Variants in AOAH observed in about 807,000 individuals in gnomAD.
AOAH encodes acyloxyacyl hydrolase (neutrophil).
A neutral mutation model predicts 92.2 loss-of-function variants in AOAH; 64 were observed. The ratio of observed to expected loss-of-function variants is 0.69; its 90% CI spans 0.57 to 0.86. AOAH has a LOEUF of 0.86. AOAH is among the 40% of genes least tolerant of loss of function. The probability of loss-of-function intolerance (pLI) is 0.00; values close to 1 mark genes in which losing one functional copy is unlikely to be tolerated. For missense variants in AOAH, 656 were observed against 694.6 expected, an observed-to-expected ratio of 0.94 and a Z score of 0.62; for synonymous variants, 263 against 254.5, an observed-to-expected ratio of 1.03 and a Z score of -0.32.
In AOAH at chr7:36,723,430, C is replaced by T. The variant is rs184444982; in HGVS notation, c.127+592G>A. On this transcript the variant is annotated intron_variant, in intron 1 of 20. Coordinates refer to ENST00000617537, the MANE Select transcript of AOAH (RefSeq NM_001637.4). ...TCAACGCTCAGCGTCTCCAGGTGATCGCCAAATCTGGATTCTCTGAGAGAC... is the reference window on the plus strand; with the variant it reads ...TCAACGCTCAGCGTCTCCAGGTGATTGCCAAATCTGGATTCTCTGAGAGAC... Among the ~76,000 whole-genome samples the T allele has an allele frequency of 2.7e-4, 41 of 152,292 alleles. 2 individuals are homozygous for T. The East Asian group carries it at 5.0e-3, about 19-fold the overall frequency.
chr7:36,659,402 A>G (rs368664613), intron 3 of AOAH, 137 bp from the exon 4 acceptor site: 32 of 666,462 alleles, frequency 4.8e-5, no homozygotes, highest in South Asian at 1.9e-4. Flanking sequence ...TTTGACCCCA[A>G]TCCCGGGGAG....
At chr7:36,686,158 CA>C (rs1004375488) in intron 2 of AOAH, among the ~76,000 whole-genome samples, 2 of 152,106 alleles carry the variant, frequency 1.3e-5, no homozygotes, top group African/African-American at 4.8e-5. Flanking sequence ...CTTGAACCAC[CA>C]ATCAGTTTCT....
At chr7:36,661,393 A>G (rs4272272) in intron 3 of AOAH, 103,000 of 151,966 alleles carry the variant, frequency 0.68, 35,119 homozygotes, top group East Asian at 0.8. Context: ...ATGGGTTCTG[A>G]GGGCAGAACC....
intron 13 of AOAH, among the ~76,000 whole-genome samples, chr7:36,575,003 C>T (rs1339325150): frequency 1.5e-5 from 2 of 132,332 alleles, no homozygotes; most frequent in African/African-American, 5.4e-5. Flanking sequence ...TGATATTCCT[C>T]ACAGATGATT....
chr7:36,615,160 T>TAAGA (rs1791766680), intron 11 of AOAH, among the ~76,000 whole-genome samples: 1 of 152,136 alleles, frequency 6.6e-6, no homozygotes, highest in African/African-American at 2.4e-5. Flanking sequence ...AGCTACTACA[T>TAAGA]AAGAATTGTG....
intron 3 of AOAH, among the ~76,000 whole-genome samples, chr7:36,664,879 A>C (rs1795446646): frequency 6.6e-6 from 1 of 152,202 alleles, no homozygotes; most frequent in Non-Finnish European, 1.5e-5. Context: ...GTATCACATG[A>C]AGAATGAAGA....
chr7:36,561,764 C>G (rs1226271750), intron 13 of AOAH, among the ~76,000 whole-genome samples: 5 of 152,176 alleles, frequency 3.3e-5, no homozygotes, highest in African/African-American at 4.8e-5. Flanking sequence ...CAACACTTGT[C>G]TTCATTATCT....
chr7:36,658,727 G>A (rs530000341), intron 4 of AOAH, among the ~76,000 whole-genome samples: 5 of 152,162 alleles, frequency 3.3e-5, no homozygotes, highest in Admixed American at 2.6e-4. Flanking sequence ...CCCATTTTAT[G>A]AGTAAGAGCA....
At chr7:36,519,753 C>T (rs1371631333) in intron 20 of AOAH, among the ~76,000 whole-genome samples, 1 of 152,156 alleles carries the variant, frequency 6.6e-6, no homozygotes, top group Non-Finnish European at 1.5e-5. Context: ...GAACACCCCT[C>T]TCTCTCATCC....
chr7:36,610,316 GAATAA>G (rs1260542366), intron 11 of AOAH, among the ~76,000 whole-genome samples: 1 of 151,844 alleles, frequency 6.6e-6, no homozygotes, highest in African/African-American at 2.4e-5. Flanking sequence ...CTTATGAATT[GAATAA>G]AAGAACTGCC....
At chr7:36,569,734 C>G (rs1787997936) in intron 13 of AOAH, among the ~76,000 whole-genome samples, 2 of 152,022 alleles carry the variant, frequency 1.3e-5, no homozygotes, top group South Asian at 4.1e-4. Context: ...CCTCAGCCTC[C>G]TGAGTAGCTG....
chr7:36,674,930 C>A (rs1796146293), intron 2 of AOAH, among the ~76,000 whole-genome samples: 1 of 152,242 alleles, frequency 6.6e-6, no homozygotes, highest in Non-Finnish European at 1.5e-5. Context: ...TATTCTATGA[C>A]TTTTTAGACA....
intron 1 of AOAH, among the ~76,000 whole-genome samples, chr7:36,712,470 C>T (rs568836497): frequency 2.6e-5 from 4 of 152,132 alleles, no homozygotes; most frequent in East Asian, 3.9e-4. Flanking sequence ...GATTATTTTC[C>T]CCCTAAATCA....
At chr7:36,667,668 C>T (rs1376989029) in intron 3 of AOAH, among the ~76,000 whole-genome samples, 5 of 152,190 alleles carry the variant, frequency 3.3e-5, no homozygotes, top group Admixed American at 2.6e-4. Flanking sequence ...TCTCCAACTA[C>T]AATAATAGAT....
chr7:36,588,119 G>C (rs755354332), intron 12 of AOAH, among the ~76,000 whole-genome samples: 17 of 152,076 alleles, frequency 1.1e-4, no homozygotes, highest in Non-Finnish European at 2.5e-4. Context: ...TGTTTTTTCT[G>C]CTTTGTACTA....
At chr7:36,678,550 A>AGTGTGTGTGTGT (rs529261307) in intron 2 of AOAH, among the ~76,000 whole-genome samples, 1,303 of 118,830 alleles carry the variant, frequency 0.011, 24 homozygotes, top group East Asian at 0.027. Context: ...TAAGATAAGC[A>AGTGTGTGTGTGT]GTGTGTGTGT....
chr7:36,549,960 A>G (rs538712973), intron 13 of AOAH: 1 of 157,350 alleles, frequency 6.4e-6, no homozygotes, highest in African/African-American at 2.4e-5. Flanking sequence ...TGTCTGGTCA[A>G]CACAAGGTTC....
At chr7:36,716,917 TACATATGTAACAAACCTGCACGTTGTGC>T (rs1799222780) in intron 1 of AOAH, among the ~76,000 whole-genome samples, 1 of 151,898 alleles carries the variant, frequency 6.6e-6, no homozygotes, top group Non-Finnish European at 1.5e-5. Flanking sequence ...GGCACATGTA[TACATATGTAACAAACCTGCACGTTGTGC>T]ACATGTACCC....
chr7:36,615,050 G>A (rs919779094), intron 11 of AOAH, among the ~76,000 whole-genome samples: 2 of 152,288 alleles, frequency 1.3e-5, no homozygotes, highest in African/African-American at 4.8e-5. Flanking sequence ...CAGTCTGGTG[G>A]ACTTGTGCTC....
Sources: gnomAD v4.1 joint callset for allele counts (sites outside exome capture counted in the v4.1 genomes callset) on GRCh38, gnomAD v4.1.1 for gene constraint, MANE v1.5 for transcripts, NCBI Gene and HGNC (gene_info 2026-07-23, HGNC 2026-07-21) for gene names.